SDCCAG8: variants seen among roughly 807,000 people sequenced by gnomAD.
The protein encoded by SDCCAG8 is SHH signaling and ciliogenesis regulator SDCCAG8.
Under a neutral mutation model 101.8 loss-of-function variants are expected in SDCCAG8, and 74 were observed. That is an observed-to-expected ratio of 0.73 (90% CI 0.60 to 0.88). The LOEUF (loss-of-function observed/expected upper bound fraction) is 0.88, where lower values mean the gene tolerates loss of function less well. SDCCAG8 is among the 40% of genes least tolerant of loss of function. The pLI is 0.00. For missense variants in SDCCAG8, 787 were observed against 822.6 expected (o/e 0.96, Z 0.53); for synonymous variants, 281 against 292.9 (o/e 0.96, Z 0.41).
intron 9 of SDCCAG8, among the ~76,000 whole-genome samples, chr1:243,323,593 C>A: frequency 6.6e-6 from 1 of 152,218 alleles, no homozygotes; most frequent in South Asian, 2.1e-4. Context: ...GATCATCTTT[C>A]ACTTCGTTTA....
At chr1:243,359,207 T>C (rs2076555420) in intron 12 of SDCCAG8, among the ~76,000 whole-genome samples, 1 of 152,182 alleles carries the variant, frequency 6.6e-6, no homozygotes, top group African/African-American at 2.4e-5. Context: ...GGAAGCCTAC[T>C]TACCCATAGA....
At chr1:243,434,105 C>T (rs1423726113) in intron 16 of SDCCAG8, among the ~76,000 whole-genome samples, 2 of 152,234 alleles carry the variant, frequency 1.3e-5, no homozygotes, top group Non-Finnish European at 2.9e-5. Flanking sequence ...TTAGCTTCAT[C>T]ACAATAATTT....
chr1:243,486,364 G>A (rs1664833835), intron 16 of SDCCAG8, among the ~76,000 whole-genome samples: 1 of 152,108 alleles, frequency 6.6e-6, no homozygotes, highest in African/African-American at 2.4e-5. Context: ...CTCACAGCAG[G>A]GGTGCTTCTG....
chr1:243,472,658 C>T (rs1661492141), intron 16 of SDCCAG8, among the ~76,000 whole-genome samples: 1 of 152,204 alleles, frequency 6.6e-6, no homozygotes, highest in African/African-American at 2.4e-5. Context: ...AATGAAAATA[C>T]ATTCTAATTT....
intron 12 of SDCCAG8, among the ~76,000 whole-genome samples, chr1:243,352,011 G>T (rs539519730): frequency 9.9e-5 from 15 of 152,258 alleles, no homozygotes. Flanking sequence ...TTCTGAGGCA[G>T]GGTATGTATA....
intron 13 of SDCCAG8, among the ~76,000 whole-genome samples, chr1:243,413,621 G>T: frequency 6.6e-6 from 1 of 152,184 alleles, no homozygotes; most frequent in Non-Finnish European, 1.5e-5. Context: ...GGTAGTTTCA[G>T]TTGTGACTGT....
chr1:243,397,973 T>C (rs2079130376), intron 13 of SDCCAG8, among the ~76,000 whole-genome samples: 1 of 152,204 alleles, frequency 6.6e-6, no homozygotes, highest in Non-Finnish European at 1.5e-5. Context: ...TCTACCACAG[T>C]TTTCCTTGAA....
chr1:243,408,056 T>TCAA (rs1407580538), intron 13 of SDCCAG8, among the ~76,000 whole-genome samples: 1 of 152,214 alleles, frequency 6.6e-6, no homozygotes, highest in Non-Finnish European at 1.5e-5. Context: ...TGTTTTATTT[T>TCAA]CAATAATAAT....
At chr1:243,374,016 CT>C (rs1228020648) in intron 12 of SDCCAG8, among the ~76,000 whole-genome samples, 10 of 152,004 alleles carry the variant, frequency 6.6e-5, no homozygotes, top group African/African-American at 2.4e-4. Flanking sequence ...CATTTAAATA[CT>C]GTATATTCTA....
chr1:243,431,368 C>T (rs1041454743), intron 16 of SDCCAG8, among the ~76,000 whole-genome samples: 5 of 152,068 alleles, frequency 3.3e-5, no homozygotes, highest in Non-Finnish European at 7.4e-5. Flanking sequence ...AGAAGAGGAG[C>T]GTGTCAAGGA....
At chr1:243,288,159 T>C (rs2069818723) in intron 5 of SDCCAG8, among the ~76,000 whole-genome samples, 1 of 152,136 alleles carries the variant, frequency 6.6e-6, no homozygotes, top group African/African-American at 2.4e-5. Context: ...GTTTTACCTG[T>C]GTAAGTGAAT....
chr1:243,321,595 G>T (rs995231352), intron 9 of SDCCAG8, among the ~76,000 whole-genome samples: 10 of 152,148 alleles, frequency 6.6e-5, no homozygotes, highest in African/African-American at 2.4e-4. Flanking sequence ...ATTCCCTGGT[G>T]TATATGTACC....
intron 1 of SDCCAG8, among the ~76,000 whole-genome samples, chr1:243,258,622 C>G (rs916248533): frequency 6.6e-6 from 1 of 152,142 alleles, no homozygotes; most frequent in African/African-American, 2.4e-5. Flanking sequence ...TCAGGCTGCT[C>G]TAGAACTCCT....
At chr1:243,371,621 T>G (rs951000257) in intron 12 of SDCCAG8, among the ~76,000 whole-genome samples, 2 of 152,154 alleles carry the variant, frequency 1.3e-5, no homozygotes, top group African/African-American at 2.4e-5. Flanking sequence ...TCTAGAATGG[T>G]ATCAGCAACC....
intron 17 of SDCCAG8, among the ~76,000 whole-genome samples, chr1:243,491,660 T>C (rs2148281581): frequency 6.6e-6 from 1 of 152,248 alleles, no homozygotes; most frequent in Non-Finnish European, 1.5e-5. Context: ...TGGAATCAGC[T>C]TGAGTTGTGA....
intron 13 of SDCCAG8, among the ~76,000 whole-genome samples, chr1:243,407,617 A>G (rs2147991963): frequency 6.6e-6 from 1 of 152,322 alleles, no homozygotes; most frequent in Non-Finnish European, 1.5e-5. Flanking sequence ...AGATACTGTA[A>G]GAACATTTTT....
At chr1:243,310,144 G>A (rs750850885) in intron 8 of SDCCAG8, among the ~76,000 whole-genome samples, 1 of 152,072 alleles carries the variant, frequency 6.6e-6, no homozygotes, top group South Asian at 2.1e-4. Context: ...TTACAAGTGT[G>A]AGCCACCACG....
At chr1:243,312,008 A>T (rs2072771502) in intron 8 of SDCCAG8, among the ~76,000 whole-genome samples, 1 of 152,222 alleles carries the variant, frequency 6.6e-6, no homozygotes, top group African/African-American at 2.4e-5. Context: ...CTGCCTTGTC[A>T]GCATATCATT....
chr1:243,256,232 G>A lies in SDCCAG8; in HGVS notation c.59G>A (p.Ser20Asn), dbSNP rs1236044973. Residue 20 changes from serine (S) to asparagine (N), a missense_variant, in exon 1 of 18, where the codon AGT becomes AAT. Physicochemically the swap from Ser to Asn is conservative, Grantham distance 46. Coordinates refer to ENST00000366541, the MANE Select transcript of SDCCAG8 (RefSeq NM_006642.5). ...GAGATTCTGGGGCAGTATCAACGGA[G>A]TCTCCGGGGTGAGTTGCTCCAAACC... Reference protein sequence around the residue: ...LEEILGQYQRSLREHASRSIH... With the variant: ...LEEILGQYQRNLREHASRSIH... 6.2e-7 allele frequency: 1 copy of A among 1,614,166 alleles called. No homozygotes were observed. The highest frequency in any genetic ancestry group is 1.7e-5 in the Admixed American group (1 of 60,024).
Sources: allele counts gnomAD v4.1 joint callset (sites outside exome capture counted in the v4.1 genomes callset), GRCh38; gene constraint gnomAD v4.1.1; transcripts MANE v1.5; gene names NCBI Gene and HGNC (gene_info 2026-07-23, HGNC 2026-07-21).